SPTBN1: variants seen among roughly 807,000 people sequenced by gnomAD.
SPTBN1 encodes the protein spectrin beta chain, non-erythrocytic 1.
In SPTBN1, 32 loss-of-function variants were observed where a neutral mutation model predicts 266.4. That is an observed-to-expected ratio of 0.12 (90% CI 0.09 to 0.16). The LOEUF is 0.16. Ranked by LOEUF, SPTBN1 falls within the 10% of genes least tolerant of loss-of-function variation. The pLI is 1.00. For synonymous variants in SPTBN1, 1,336 were observed against 1,162.2 expected (o/e 1.15, Z -3.04); for missense variants, 2,296 against 3,067.1 (o/e 0.75, Z 5.94).
rs72920570 is a variant in SPTBN1 at position 54,622,686 on chromosome 2, T to C, written c.1064+199T>C. On this transcript the variant is annotated intron_variant, in intron 9 of 35. Coordinates refer to ENST00000356805, the MANE Select transcript of SPTBN1 (RefSeq NM_003128.3). ...CTCTCTGAGCCCTTCCCAATATAAA[T>C]GTGCCACTGACATACAGGATATATG... is the stretch of plus-strand genomic sequence containing the variant. 9.6e-3 allele frequency among the ~76,000 whole-genome samples: 1,467 copies of C among 152,336 alleles called. 32 individuals carry two copies. Among genetic ancestry groups the C allele is most frequent in the African/African-American group, 0.033 (1,387 of 41,576 alleles).
At chr2:54,640,313 A>T (rs1177534016) in intron 18 of SPTBN1, among the ~76,000 whole-genome samples, 1 of 152,156 alleles carries the variant, frequency 6.6e-6, no homozygotes, top group African/African-American at 2.4e-5. Flanking sequence ...GGTATGGGGA[A>T]TCCAGGGGTT....
chr2:54,562,024 CTCTTTT>C (rs1357778503), intron 2 of SPTBN1, among the ~76,000 whole-genome samples: 3 of 152,100 alleles, frequency 2.0e-5, no homozygotes, highest in African/African-American at 7.2e-5. Flanking sequence ...CCACCCCTTC[CTCTTTT>C]TCTTTTTCAG....
At chr2:54,457,157 C>CG (rs1245920831) in intron 1 of SPTBN1, 9 of 130,476 alleles carry the variant, frequency 6.9e-5, no homozygotes, top group Non-Finnish European at 1.5e-4. Flanking sequence ...GCGCCCGCCC[C>CG]CCCCCCGCCC....
intron 1 of SPTBN1, among the ~76,000 whole-genome samples, chr2:54,475,567 A>C (rs563013170): frequency 6.6e-6 from 1 of 152,326 alleles, no homozygotes; most frequent in African/African-American, 2.4e-5. Flanking sequence ...TGAGAATGGT[A>C]GAGCCTCCTG....
rs2104073576 is a variant in SPTBN1 at position 54,646,803 on chromosome 2, A to G, written c.4866+328A>G. Among the ~76,000 whole-genome samples the G allele has an allele frequency of 6.6e-6, 1 of 152,338 alleles. No homozygotes were observed. The highest frequency in any genetic ancestry group is 2.1e-4 in the South Asian group (1 of 4,828). ...TTGGAGACAATTTGAAAGTATTGCA[A>G]GGTTCCAGGAATGCTGCCATTTACA... On this transcript the variant is annotated intron_variant, in intron 23 of 35. Transcript: ENST00000356805. This position sits in a 1 kb window ranked among gnomAD's most constrained non-coding sequence, Gnocchi z 4.4.
At chr2:54,467,519 C>T (rs757661887) in intron 1 of SPTBN1, among the ~76,000 whole-genome samples, 2 of 151,976 alleles carry the variant, frequency 1.3e-5, no homozygotes, top group African/African-American at 4.8e-5. Flanking sequence ...CTCAGCCTCC[C>T]GAGTAGCTGG....
intron 1 of SPTBN1, among the ~76,000 whole-genome samples, chr2:54,480,046 G>T (rs1180302454): frequency 6.6e-6 from 1 of 152,162 alleles, no homozygotes; most frequent in Non-Finnish European, 1.5e-5. Context: ...CTTTATCTGA[G>T]CCCTTTCCTC....
At chr2:54,654,972 G>A (rs1572763995) in intron 27 of SPTBN1, 98 bp from the exon 28 acceptor site, 2 of 655,714 alleles carry the variant, frequency 3.1e-6, no homozygotes, top group Non-Finnish European at 2.1e-6. Flanking sequence ...TTTCTTTCAA[G>A]GCCATCAGTT....
Position 54,633,190 on chromosome 2 carries a change from A to T in SPTBN1, c.3767+422A>T, listed in dbSNP as rs371006549. Among the ~76,000 whole-genome samples, 299 of 152,222 alleles carry T rather than the reference A, an allele frequency of 2.0e-3. 4 individuals are homozygous for T. In the South Asian group the frequency reaches 0.036, roughly 18 times the overall value. ...GAAAGAAGCCTGTCAGGAGAGTGGG[A>T]AGGGAGGGTGAAGCTTGCTTGTTCT... On this transcript the variant is annotated intron_variant, in intron 17 of 35. Transcript: ENST00000356805.
At chr2:54,477,280 T>C (rs1032941226) in intron 1 of SPTBN1, among the ~76,000 whole-genome samples, 9 of 152,204 alleles carry the variant, frequency 5.9e-5, no homozygotes, top group African/African-American at 2.2e-4. Flanking sequence ...AAACTTCATG[T>C]AATAAACTTT....
intron 2 of SPTBN1, among the ~76,000 whole-genome samples, chr2:54,541,475 C>G (rs1177561701): frequency 1.3e-5 from 2 of 152,214 alleles, no homozygotes; most frequent in African/African-American, 4.8e-5. Flanking sequence ...TCTAAAACCC[C>G]TCACACTGAA....
At chr2:54,497,116 C>T (rs532224938) in intron 1 of SPTBN1, among the ~76,000 whole-genome samples, 5 of 152,114 alleles carry the variant, frequency 3.3e-5, no homozygotes, top group African/African-American at 1.2e-4. Context: ...TGGTCTGGGG[C>T]CCCCACCAGG....
In SPTBN1 at chr2:54,473,571, A is replaced by T. The variant is rs576751112; in HGVS notation, c.-48+17053A>T. ...TTGGATAACTGAACTGGTAAATTGT[A>T]TTGAGGAGAGGTGAACTACAGGCCA... On this transcript the variant is annotated intron_variant, in intron 1 of 35. Coordinates refer to ENST00000356805, the MANE Select transcript of SPTBN1 (RefSeq NM_003128.3). 1.4e-4 allele frequency among the ~76,000 whole-genome samples: 21 copies of T among 151,950 alleles called. 1 individual carries two copies. The highest frequency in any genetic ancestry group is 2.2e-4 in the Non-Finnish European group (15 of 67,998).
In SPTBN1 at chr2:54,653,336, T is replaced by C; in HGVS notation, c.5578-273T>C. 2.5e-6 allele frequency: 1 copy of C among 399,466 alleles called. No homozygotes were observed. Among genetic ancestry groups the C allele is most frequent in the Non-Finnish European group, 4.3e-6 (1 of 230,440 alleles). The allele number at this position is 399,466 out of a possible 1,614,324, so 24.7% of individuals were successfully genotyped here. On this transcript the variant is annotated intron_variant, in intron 26 of 35. Coordinates refer to ENST00000356805, the MANE Select transcript of SPTBN1 (RefSeq NM_003128.3). This position sits in a 1 kb window ranked among gnomAD's most constrained non-coding sequence, Gnocchi z 5.1. ...ATATCCCAGGCTGCCTCCAGGGGACTTTCCCTGACTAAACTCTCCTGCCTG... is the reference window on the plus strand; with the variant it reads ...ATATCCCAGGCTGCCTCCAGGGGACCTTCCCTGACTAAACTCTCCTGCCTG...
In SPTBN1 at chr2:54,646,509, A is replaced by C; in HGVS notation, c.4866+34A>C. 1 of 1,462,798 alleles carries C rather than the reference A, an allele frequency of 6.8e-7. No individual in the cohort carries two copies. The highest frequency in any genetic ancestry group is 9.0e-7 in the Non-Finnish European group (1 of 1,107,548). The allele number at this position is 1,462,798 out of a possible 1,614,324, so 90.6% of individuals were successfully genotyped here. ...AGGCGGGAAGCATCCCTGTCCCAGG[A>C]GAGCCTCAGATTCAAACCCTGGGCA... On this transcript the variant is annotated intron_variant, in intron 23 of 35. Transcript: ENST00000356805. This position sits in a 1 kb window ranked among gnomAD's most constrained non-coding sequence, Gnocchi z 4.4.
chr2:54,670,007 C>T lies in SPTBN1; in HGVS notation c.*1438C>T, dbSNP rs1480059149. ...TTTAGGCTTTGTAGGCCGTAACTGT[C>T]TCTGTTGCTCAATTCTGCTGTTGCG... is the stretch of plus-strand genomic sequence containing the variant. On this transcript the variant is annotated 3_prime_UTR_variant, in exon 36 of 36. Coordinates refer to ENST00000356805, the MANE Select transcript of SPTBN1 (RefSeq NM_003128.3). The T allele has an allele frequency of 1.3e-5, 2 of 152,174 alleles. No individual in the cohort carries two copies. The highest frequency in any genetic ancestry group is 2.9e-5 in the Non-Finnish European group (2 of 68,032). 9.4% of individuals were successfully genotyped at this position (152,174 alleles called of 1,614,324 possible).
At chr2:54,575,232 T>C (rs1358409496) in intron 2 of SPTBN1, among the ~76,000 whole-genome samples, 2 of 152,216 alleles carry the variant, frequency 1.3e-5, no homozygotes, top group Non-Finnish European at 2.9e-5. Flanking sequence ...TCACAGGTGT[T>C]AAGTGTCACA....
rs778227671 is a variant in SPTBN1, at chr2:54,659,885, CTT to C, written c.6357-49_6357-48del. ...CTCCCACCCTTTCTTACTGTTTCCT[CTT>C]TCTCCTCTTCTTCCTTTCCCTTCCT... is the stretch of plus-strand genomic sequence containing the variant. On this transcript the variant is annotated intron_variant, in intron 31 of 35. Transcript: ENST00000356805. The C allele has an allele frequency of 5.7e-6, 9 of 1,587,598 alleles. No individual in the cohort carries two copies. In the Admixed American group the frequency reaches 1.4e-4, roughly 25 times the overall value.
rs200213060 is a variant in SPTBN1, at chr2:54,644,590, A to G, written c.4269+4A>G. Reference sequence around the variant, plus strand: ...TATCCTGCTGAAAAAGCAACAGGCAAGTGGACAAGCCATCATGGACTTGGG... The same window carrying G: ...TATCCTGCTGAAAAAGCAACAGGCAGGTGGACAAGCCATCATGGACTTGGG... On this transcript the variant is annotated splice_donor_region_variant and intron_variant, in intron 20 of 35. Transcript: ENST00000356805. 14 of 1,599,858 alleles carry G rather than the reference A, an allele frequency of 8.8e-6. No homozygotes were observed. The East Asian group carries it at 2.5e-4, about 28-fold the overall frequency.
Sources: allele counts gnomAD v4.1 joint callset (sites outside exome capture counted in the v4.1 genomes callset), GRCh38; gene constraint gnomAD v4.1.1; non-coding constraint Gnocchi (gnomAD v3.1); transcripts MANE v1.5; gene names NCBI Gene and HGNC (gene_info 2026-07-23, HGNC 2026-07-21).